FDX1: variants seen among roughly 807,000 people sequenced by gnomAD.
The protein encoded by FDX1 is ferredoxin 1, also known as adrenodoxin, mitochondrial.
FDX1 carries 9 observed loss-of-function variants against 14.9 expected under a neutral mutation model. That is an observed-to-expected ratio of 0.60 (90% CI 0.36 to 1.05). The LOEUF (loss-of-function observed/expected upper bound fraction) is 1.05. Among genes scored for constraint, FDX1 ranks in the 50% least tolerant of loss-of-function variants. The pLI is 0.01. For synonymous variants in FDX1, 92 were observed against 99.4 expected (o/e 0.93, Z 0.44); for missense variants, 204 against 237.2 (o/e 0.86, Z 0.92).
intron 2 of FDX1, among the ~76,000 whole-genome samples, chr11:110,448,055 A>G (rs546659882): frequency 6.6e-6 from 1 of 152,322 alleles, no homozygotes; most frequent in East Asian, 1.9e-4. Flanking sequence ...TTATATTAAT[A>G]TAGATCTTTT....
Position 110,435,820 on chromosome 11 carries a change from G to A in FDX1, c.186-14G>A, listed in dbSNP as rs925944834. On this transcript the variant is annotated splice_polypyrimidine_tract_variant and intron_variant, in intron 1 of 3. Transcript: ENST00000260270. ...AAATTACTAAAAATACTAAAGGACT[G>A]TTTTTTTTTCCAGCTCAGAAGATAA... 15 of 1,542,696 alleles carry A rather than the reference G, an allele frequency of 9.7e-6. No homozygotes were observed. Among genetic ancestry groups the A allele is most frequent in the Middle Eastern group, 1.9e-4 (1 of 5,294 alleles).
At chr11:110,431,580 T>TC (rs1241071314) in intron 1 of FDX1, among the ~76,000 whole-genome samples, 3 of 152,114 alleles carry the variant, frequency 2.0e-5, no homozygotes, top group African/African-American at 4.8e-5. Context: ...CCTCTGCACT[T>TC]CCCCCCCTGT....
chr11:110,458,927 T>A (rs1318400900), intron 3 of FDX1, among the ~76,000 whole-genome samples: 1 of 152,196 alleles, frequency 6.6e-6, no homozygotes, highest in East Asian at 1.9e-4. Flanking sequence ...TGGTTGTCCT[T>A]AACCTTGATT....
intron 2 of FDX1, among the ~76,000 whole-genome samples, chr11:110,437,267 T>C (rs760104360): frequency 4.6e-5 from 7 of 152,356 alleles, no homozygotes; most frequent in Non-Finnish European, 8.8e-5. Context: ...GTGCTGGCAT[T>C]ACAGGCGTGA....
chr11:110,457,202 CTT>C (rs1364780182), intron 3 of FDX1, among the ~76,000 whole-genome samples, 155 bp downstream of exon 3: 1 of 152,114 alleles, frequency 6.6e-6, no homozygotes, highest in African/African-American at 2.4e-5. Flanking sequence ...TGGCATTTCT[CTT>C]TGTTTTCACT....
intron 2 of FDX1, among the ~76,000 whole-genome samples, chr11:110,454,525 C>G (rs1040949129): frequency 7.2e-5 from 11 of 152,168 alleles, no homozygotes; most frequent in Non-Finnish European, 1.5e-4. Context: ...AAGTCAAAGT[C>G]ATAACTCATC....
At chr11:110,461,496 TAAAAA>T (rs59467093) in intron 3 of FDX1, among the ~76,000 whole-genome samples, 3 of 106,356 alleles carry the variant, frequency 2.8e-5, no homozygotes, top group African/African-American at 1.1e-4. Context: ...GACCCTGTCT[TAAAAA>T]AAAAAAAAAA....
upstream of FDX1, among the ~76,000 whole-genome samples, chr11:110,429,720 T>C (rs1329384815): frequency 2.0e-5 from 3 of 152,162 alleles, no homozygotes; most frequent in Non-Finnish European, 4.4e-5. Context: ...CAGAACACAG[T>C]GGTCTAGCTA....
At chr11:110,439,412 T>A (rs1946391669) in intron 2 of FDX1, among the ~76,000 whole-genome samples, 2 of 152,170 alleles carry the variant, frequency 1.3e-5, no homozygotes, top group Admixed American at 1.3e-4. Flanking sequence ...GTTTCCCATG[T>A]TGGCCAGGCT....
chr11:110,440,080 C>T (rs148546765), intron 2 of FDX1, among the ~76,000 whole-genome samples: 1 of 152,094 alleles, frequency 6.6e-6, no homozygotes, highest in Non-Finnish European at 1.5e-5. Flanking sequence ...TGATAATAGT[C>T]TCTAGGATCT....
intron 2 of FDX1, among the ~76,000 whole-genome samples, chr11:110,444,685 CACGTATATATATATAT>C (rs1565381855): frequency 6.3e-4 from 23 of 36,736 alleles, no homozygotes; most frequent in Non-Finnish European, 1.0e-3. Flanking sequence ...TATATATATA[CACGTATATATATATAT>C]ATACGTATAT....
At chr11:110,448,432 G>T (rs926412167) in intron 2 of FDX1, among the ~76,000 whole-genome samples, 2 of 152,146 alleles carry the variant, frequency 1.3e-5, no homozygotes, top group African/African-American at 4.8e-5. Flanking sequence ...GGGGTTAGGT[G>T]TCGGGGCAGG....
At chr11:110,447,226 G>A (rs1306879721) in intron 2 of FDX1, among the ~76,000 whole-genome samples, 1 of 121,346 alleles carries the variant, frequency 8.2e-6, no homozygotes, top group African/African-American at 3.2e-5. Context: ...TCAAGAGATT[G>A]AGACCATCCT....
intron 2 of FDX1, among the ~76,000 whole-genome samples, chr11:110,436,676 A>T (rs562208192): frequency 6.8e-6 from 1 of 146,162 alleles, no homozygotes; most frequent in African/African-American, 2.5e-5. Context: ...ATTTTGATGC[A>T]TGTTCAAGTT....
At chr11:110,451,523 T>A (rs1359544777) in intron 2 of FDX1, among the ~76,000 whole-genome samples, 1 of 152,180 alleles carries the variant, frequency 6.6e-6, no homozygotes, top group Non-Finnish European at 1.5e-5. Context: ...TGGAAGACAG[T>A]GTGGTGATTC....
chr11:110,452,326 T>C (rs1044989975), intron 2 of FDX1, among the ~76,000 whole-genome samples: 27 of 152,148 alleles, frequency 1.8e-4, no homozygotes, highest in African/African-American at 6.3e-4. Flanking sequence ...AGAAAATACT[T>C]GTAAATCACA....
chr11:110,450,039 T>C (rs1946476525), intron 2 of FDX1, among the ~76,000 whole-genome samples: 2 of 152,156 alleles, frequency 1.3e-5, no homozygotes, highest in Non-Finnish European at 2.9e-5. Context: ...GTAACTACCG[T>C]TGTATTTTCT....
intron 2 of FDX1, among the ~76,000 whole-genome samples, chr11:110,439,293 C>T (rs1180491966): frequency 4.6e-5 from 7 of 152,114 alleles, no homozygotes; most frequent in Non-Finnish European, 1.0e-4. Context: ...CTGCACCCTT[C>T]ACCTCCTGGG....
At chr11:110,446,966 C>T (rs1057382070) in intron 2 of FDX1, among the ~76,000 whole-genome samples, 1 of 152,024 alleles carries the variant, frequency 6.6e-6, no homozygotes, top group Non-Finnish European at 1.5e-5. Flanking sequence ...CACAAGGTCA[C>T]GAGTTTGAGA....
Sources: allele counts gnomAD v4.1 joint callset (sites outside exome capture counted in the v4.1 genomes callset), GRCh38; gene constraint gnomAD v4.1.1; transcripts MANE v1.5; gene names NCBI Gene and HGNC (gene_info 2026-07-23, HGNC 2026-07-21).